Variants in ASPRV1 observed in about 807,000 individuals in gnomAD.
ASPRV1 encodes the protein aspartic peptidase retroviral like 1, also known as retroviral-like aspartic protease 1.
A neutral mutation model predicts 11.0 loss-of-function variants in ASPRV1; 7 were observed. That is an observed-to-expected ratio of 0.64 (90% confidence interval 0.36 to 1.20). The LOEUF is 1.20. ASPRV1 is among the 50% of genes most tolerant of loss of function. ASPRV1 has a pLI of 0.02. For missense variants in ASPRV1, 299 were observed against 320.0 expected (o/e 0.93, Z 0.50); for synonymous variants, 136 against 138.4 (o/e 0.98, Z 0.12).
the ASPRV1 span, among the ~76,000 whole-genome samples, chr2:70,001,184 G>C: frequency 6.6e-6 from 1 of 151,844 alleles, no homozygotes; most frequent in African/African-American, 2.4e-5. Context: ...AAAAATTAAA[G>C]TATTGAGATA....
chr2:69,998,975 G>C, the ASPRV1 span, among the ~76,000 whole-genome samples: 3 of 152,212 alleles, frequency 2.0e-5, no homozygotes, highest in African/African-American at 7.2e-5. Context: ...GGACTCTGAG[G>C]GCCCACAGGA....
chr2:70,027,259 CAAAAAAAAAAAAA>C, the ASPRV1 span, among the ~76,000 whole-genome samples: 4 of 49,666 alleles, frequency 8.1e-5, no homozygotes, highest in Non-Finnish European at 1.3e-4. Context: ...CCCTGTCTCT[CAAAAAAAAAAAAA>C]AAAAAAAAAA....
At chr2:69,999,329 A>C in the ASPRV1 span, among the ~76,000 whole-genome samples, 1 of 152,130 alleles carries the variant, frequency 6.6e-6, no homozygotes, top group South Asian at 2.1e-4. Context: ...AATTTGTGTG[A>C]ATATATTAAT....
the ASPRV1 span, among the ~76,000 whole-genome samples, chr2:70,057,419 C>A: frequency 6.6e-6 from 1 of 152,110 alleles, no homozygotes; most frequent in South Asian, 2.1e-4. Flanking sequence ...GATTGTTCCA[C>A]ATCAGCTTGT....
chr2:70,079,368 T>C, the ASPRV1 span, among the ~76,000 whole-genome samples: 1 of 151,714 alleles, frequency 6.6e-6, no homozygotes, highest in Admixed American at 6.6e-5. Context: ...TACTAGCCAC[T>C]GAGGAGGGGA....
chr2:69,951,063 G>C, the ASPRV1 span, among the ~76,000 whole-genome samples: 1 of 151,904 alleles, frequency 6.6e-6, no homozygotes, highest in African/African-American at 2.4e-5. Flanking sequence ...GAAAGGTCTG[G>C]AAAAATACAC....
At chr2:69,972,997 G>C in the ASPRV1 span, among the ~76,000 whole-genome samples, 1 of 151,974 alleles carries the variant, frequency 6.6e-6, no homozygotes, top group Non-Finnish European at 1.5e-5. Context: ...TCTTTCCAGA[G>C]TCAAATCTCT....
the ASPRV1 span, among the ~76,000 whole-genome samples, chr2:70,004,847 C>A: frequency 6.6e-6 from 1 of 152,120 alleles, no homozygotes; most frequent in Admixed American, 6.5e-5. Context: ...TGTCACTGGT[C>A]CCCGTCTGTT....
the ASPRV1 span, chr2:70,014,678 T>C: frequency 6.6e-6 from 1 of 151,058 alleles, no homozygotes; most frequent in South Asian, 2.1e-4. Context: ...CATGTGTCTA[T>C]AGTCCCAGCT....
chr2:69,935,005 A>C, the ASPRV1 span, among the ~76,000 whole-genome samples: 1 of 152,220 alleles, frequency 6.6e-6, no homozygotes, highest in Non-Finnish European at 1.5e-5. Flanking sequence ...TACTTCAATA[A>C]ACTCATTATA....
chr2:69,948,383 G>A, the ASPRV1 span, among the ~76,000 whole-genome samples: 1 of 152,244 alleles, frequency 6.6e-6, no homozygotes, highest in East Asian at 1.9e-4. Flanking sequence ...ACTGTCCTCA[G>A]CCTGTTCCAC....
chr2:70,084,199 A>C, the ASPRV1 span, among the ~76,000 whole-genome samples: 2 of 152,234 alleles, frequency 1.3e-5, no homozygotes, highest in Non-Finnish European at 2.9e-5. Flanking sequence ...CTTGGAAAGA[A>C]AGACCTGACA....
At chr2:69,965,039 A>G (rs1027887502), upstream of ASPRV1, among the ~76,000 whole-genome samples, 7 of 152,100 alleles carry the variant, frequency 4.6e-5, no homozygotes, top group African/African-American at 1.7e-4. Flanking sequence ...AGTTCACTCC[A>G]AACACTTTAT....
chr2:70,066,114 C>T, the ASPRV1 span, among the ~76,000 whole-genome samples: 12 of 152,028 alleles, frequency 7.9e-5, no homozygotes, highest in South Asian at 1.9e-3. Context: ...GAGGCTGAGG[C>T]AGGACAATCG....
the ASPRV1 span, among the ~76,000 whole-genome samples, chr2:69,981,571 T>C: frequency 6.6e-6 from 1 of 152,354 alleles, no homozygotes; most frequent in Admixed American, 6.5e-5. Context: ...TGTTTGTTTG[T>C]TTTGGGATGG....
the ASPRV1 span, among the ~76,000 whole-genome samples, chr2:70,082,813 G>A: frequency 2.0e-5 from 3 of 152,334 alleles, no homozygotes; most frequent in African/African-American, 7.2e-5. Context: ...AGGATTGCTT[G>A]AGCCTGGGGG....
At chr2:70,038,361 C>G in the ASPRV1 span, among the ~76,000 whole-genome samples, 2 of 152,008 alleles carry the variant, frequency 1.3e-5, no homozygotes, top group African/African-American at 4.8e-5. Context: ...CCAGGCTGGG[C>G]AACATACCAA....
chr2:70,045,304 A>G, the ASPRV1 span: 1 of 152,220 alleles, frequency 6.6e-6, no homozygotes, highest in African/African-American at 2.4e-5. Flanking sequence ...GGCAAGTTAC[A>G]TAACTTCTTT....
At chr2:70,073,121 C>T in the ASPRV1 span, 1 of 152,042 alleles carries the variant, frequency 6.6e-6, no homozygotes, top group Non-Finnish European at 1.5e-5. Flanking sequence ...ACAACGATGT[C>T]CTAAGAACTG....
Sources: allele counts gnomAD v4.1 joint callset (sites outside exome capture counted in the v4.1 genomes callset), GRCh38; gene constraint gnomAD v4.1.1; transcripts MANE v1.5; gene names NCBI Gene and HGNC (gene_info 2026-07-23, HGNC 2026-07-21).